Variants in OSBP observed in about 807,000 individuals in gnomAD.
OSBP encodes oxysterol-binding protein 1.
A neutral mutation model predicts 96.6 loss-of-function variants in OSBP; 32 were observed. The ratio of observed to expected loss-of-function variants is 0.33; its 90% CI spans 0.25 to 0.45. OSBP has a LOEUF of 0.45. OSBP is among the 20% of genes least tolerant of loss of function. The probability of loss-of-function intolerance (pLI) is 1.00; values close to 1 mark genes in which losing one functional copy is unlikely to be tolerated. For missense variants in OSBP, 653 were observed against 1,029.7 expected (o/e 0.63, Z 5.01); for synonymous variants, 369 against 389.6 (o/e 0.95, Z 0.62).
At chr11:59,579,805 T>A (rs1250201958) in intron 11 of OSBP, among the ~76,000 whole-genome samples, 1 of 151,914 alleles carries the variant, frequency 6.6e-6, no homozygotes, top group Non-Finnish European at 1.5e-5. Context: ...AGCCTCTGCC[T>A]CCCAGGTTCA....
At chr11:59,613,084 CT>C (rs1181587323) in intron 1 of OSBP, among the ~76,000 whole-genome samples, 2 of 152,104 alleles carry the variant, frequency 1.3e-5, no homozygotes, top group Non-Finnish European at 2.9e-5. Flanking sequence ...CTAAATAATT[CT>C]TGGAGGAAGA....
Position 59,613,207 on chromosome 11 carries a change from GGTTT to G in OSBP, c.362+2092_362+2095del, listed in dbSNP as rs138049724. Among the ~76,000 whole-genome samples the G allele has an allele frequency of 2.8e-3, 434 of 152,294 alleles. 3 individuals carry two copies. Among genetic ancestry groups the G allele is most frequent in the South Asian group, 0.012 (56 of 4,830 alleles). ...CAGATTGATAACTCTGGATCCCGCT[GGTTT>G]GTTTATGGGTGGGACCACCTAAGTT... On this transcript the variant is annotated intron_variant, in intron 1 of 13. Coordinates refer to ENST00000263847, the MANE Select transcript of OSBP (RefSeq NM_002556.3).
chr11:59,602,000 C>T (rs945423762), intron 3 of OSBP, among the ~76,000 whole-genome samples, 162 bp from the exon 4 acceptor site: 7 of 152,148 alleles, frequency 4.6e-5, no homozygotes, highest in East Asian at 1.9e-4. Flanking sequence ...GCTAGCTCCA[C>T]GCTGAAATCA....
chr11:59,586,691 A>C (rs1246688227), intron 9 of OSBP, among the ~76,000 whole-genome samples: 1 of 152,236 alleles, frequency 6.6e-6, no homozygotes, highest in East Asian at 1.9e-4. Context: ...ATAAAGACAG[A>C]CATATAGGCC....
At chr11:59,611,150 A>AAAAAAG (rs1554981341) in intron 1 of OSBP, among the ~76,000 whole-genome samples, 12 of 150,602 alleles carry the variant, frequency 8.0e-5, no homozygotes, top group African/African-American at 2.9e-4. Flanking sequence ...AAAAAAAAAA[A>AAAAAAG]AAAGAAAGAA....
At chr11:59,593,099 C>G (rs1181444700) in intron 9 of OSBP, among the ~76,000 whole-genome samples, 2 of 152,092 alleles carry the variant, frequency 1.3e-5, no homozygotes, top group African/African-American at 4.8e-5. Flanking sequence ...TGCCCAGCCC[C>G]AAGTAAGATC....
intron 1 of OSBP, among the ~76,000 whole-genome samples, chr11:59,614,653 G>A (rs1256025342): frequency 1.3e-5 from 2 of 152,344 alleles, no homozygotes; most frequent in East Asian, 1.9e-4. Context: ...ACGGGAGGAG[G>A]TGGGGCAAGC....
chr11:59,582,154 C>A (rs996776733), intron 9 of OSBP, among the ~76,000 whole-genome samples: 1 of 152,194 alleles, frequency 6.6e-6, no homozygotes. Context: ...CTGTTATTTA[C>A]GGTGGACCTT....
chr11:59,579,122 A>T lies in OSBP; in HGVS notation c.1879-792T>A, dbSNP rs11828872. Among the ~76,000 whole-genome samples the T allele has an allele frequency of 5.8e-3, 876 of 152,210 alleles. 4 individuals are homozygous for T. The highest frequency in any genetic ancestry group is 0.02 in the African/African-American group (825 of 41,530). Reference sequence around the variant, plus strand: ...TAGCAAAAGCATCTGACTGGTACTCAGAATTATATTTTCTTCTCTCAAGAA... The same window carrying T: ...TAGCAAAAGCATCTGACTGGTACTCTGAATTATATTTTCTTCTCTCAAGAA... On this transcript the variant is annotated intron_variant, in intron 11 of 13. Coordinates refer to ENST00000263847, the MANE Select transcript of OSBP (RefSeq NM_002556.3).
At chr11:59,583,223 A>T (rs1860444196) in intron 9 of OSBP, among the ~76,000 whole-genome samples, 1 of 152,124 alleles carries the variant, frequency 6.6e-6, no homozygotes, top group Admixed American at 6.5e-5. Flanking sequence ...GAGGTAGGAA[A>T]ATCACTTGAA....
At chr11:59,579,662 G>A (rs1860397331) in intron 11 of OSBP, among the ~76,000 whole-genome samples, 1 of 151,656 alleles carries the variant, frequency 6.6e-6, no homozygotes, top group Non-Finnish European at 1.5e-5. Context: ...CCAGAAAAGA[G>A]AAGGAATTGG....
chr11:59,580,353 C>T, intron 10 of OSBP, 84 bp from the exon 11 acceptor site: 6 of 859,452 alleles, frequency 7.0e-6, no homozygotes, highest in Non-Finnish European at 1.2e-5. Context: ...CTTTACTTTT[C>T]AATCTTACAT....
chr11:59,576,500 A>T lies in OSBP; in HGVS notation c.*77T>A, dbSNP rs1860363021. The T allele has an allele frequency of 6.8e-7, 1 of 1,471,184 alleles. No individual in the cohort carries two copies. The allele number at this position is 1,471,184 out of a possible 1,614,324, so 91.1% of individuals were successfully genotyped here. On this transcript the variant is annotated 3_prime_UTR_variant, in exon 14 of 14. Coordinates refer to ENST00000263847, the MANE Select transcript of OSBP (RefSeq NM_002556.3). ...ACTTGAGGAAAGCACTTGGTAAGAG[A>T]GTCACAACTTCCAGCTTTCCCACAC... is the stretch of plus-strand genomic sequence containing the variant.
At position 59,574,645 on chromosome 11, in the gene OSBP, C is replaced by G. The variant is rs1860339666; in HGVS notation, c.*1932G>C. ...TTTAGTTGGGGAATTCTCACTCTATCCAAAGCCCCGGATGAGGTCACTGCT... is the reference window on the plus strand; with the variant it reads ...TTTAGTTGGGGAATTCTCACTCTATGCAAAGCCCCGGATGAGGTCACTGCT... On this transcript the variant is annotated 3_prime_UTR_variant, in exon 14 of 14. Transcript: ENST00000263847. 1 of 146,796 alleles carries G rather than the reference C, an allele frequency of 6.8e-6. No individual in the cohort carries two copies. The highest frequency in any genetic ancestry group is 6.7e-5 in the Admixed American group (1 of 14,816). The allele number at this position is 146,796 out of a possible 1,614,324, so 9.1% of individuals were successfully genotyped here.
At position 59,615,735 on chromosome 11, in the gene OSBP, C is replaced by T; in HGVS notation, c.-71G>A. On this transcript the variant is annotated 5_prime_UTR_variant, in exon 1 of 14. Transcript: ENST00000263847. ...GCCGCCGTCGCCGCCCGGAGCGCCC[C>T]ACACGGCTACCGCATCAGCCACCGC... The T allele has an allele frequency of 8.1e-7, 1 of 1,238,274 alleles. No homozygotes were observed. The highest frequency in any genetic ancestry group is 1.0e-6 in the Non-Finnish European group (1 of 989,312). 76.7% of individuals were successfully genotyped at this position (1,238,274 alleles called of 1,614,324 possible). A position where few individuals can be genotyped will look rare whatever the true frequency, so the allele number is the denominator to read the frequency against.
In OSBP at chr11:59,574,581, T is replaced by C. The variant is rs1267433534; in HGVS notation, c.*1996A>G. On this transcript the variant is annotated 3_prime_UTR_variant, in exon 14 of 14. Transcript: ENST00000263847. ...GGATCAGCCAGAAATGTAGTGCAGA[T>C]GGTGAAGGAAGAGAAGGGGATAAAG... 1 of 152,574 alleles carries C rather than the reference T, an allele frequency of 6.6e-6. No homozygotes were observed. Among genetic ancestry groups the C allele is most frequent in the Non-Finnish European group, 1.5e-5 (1 of 68,030 alleles). 9.5% of individuals were successfully genotyped at this position (152,574 alleles called of 1,614,324 possible).
chr11:59,579,695 C>A (rs1860397935), intron 11 of OSBP, among the ~76,000 whole-genome samples: 1 of 151,596 alleles, frequency 6.6e-6, no homozygotes, highest in Admixed American at 6.6e-5. Flanking sequence ...ACAATATAGT[C>A]TTTCTTGATG....
intron 3 of OSBP, among the ~76,000 whole-genome samples, chr11:59,604,655 T>C (rs147634936): frequency 2.4e-3 from 368 of 151,720 alleles, no homozygotes; most frequent in Non-Finnish European, 4.2e-3. Context: ...TGAACCAAGA[T>C]TGTGCACTGC....
Position 59,594,268 on chromosome 11 carries a change from G to C in OSBP, c.1312-13C>G. 6.2e-7 allele frequency: 1 copy of C among 1,612,926 alleles called. No homozygotes were observed. Among genetic ancestry groups the C allele is most frequent in the Non-Finnish European group, 8.5e-7 (1 of 1,179,228 alleles). The stretch of plus-strand genomic sequence containing the variant: ...CATTAAAGTTTACCTGTAAGGAGAA[G>C]AACAGATATAAAAACTATGCTCACT... On this transcript the variant is annotated splice_polypyrimidine_tract_variant and intron_variant, in intron 7 of 13. Coordinates refer to ENST00000263847, the MANE Select transcript of OSBP (RefSeq NM_002556.3).
Sources: gnomAD v4.1 joint callset for allele counts (sites outside exome capture counted in the v4.1 genomes callset) on GRCh38, gnomAD v4.1.1 for gene constraint, MANE v1.5 for transcripts, NCBI Gene and HGNC (gene_info 2026-07-23, HGNC 2026-07-21) for gene names.